RIC8B: variants seen among roughly 807,000 people sequenced by gnomAD.
RIC8B encodes the protein chaperone Ric-8B.
In RIC8B, 16 loss-of-function variants were observed where a neutral mutation model predicts 57.5. The ratio of observed to expected loss-of-function variants is 0.28; its 90% confidence interval spans 0.19 to 0.42. The LOEUF is 0.42. Ranked by LOEUF, RIC8B falls within the 10% of genes least tolerant of loss-of-function variation. The pLI, the probability that RIC8B is intolerant of heterozygous loss-of-function variation, is 1.00. For missense variants in RIC8B, 481 were observed against 677.0 expected (o/e 0.71, Z 3.21); for synonymous variants, 216 against 250.8 (o/e 0.86, Z 1.31).
At chr12:106,850,526 A>C (rs143483673) in intron 6 of RIC8B, among the ~76,000 whole-genome samples, 41 of 152,278 alleles carry the variant, frequency 2.7e-4, no homozygotes, top group African/African-American at 9.6e-4. Context: ...ACAAACTAAG[A>C]AAGTTTCATA....
intron 7 of RIC8B, among the ~76,000 whole-genome samples, chr12:106,855,214 C>A (rs1449577109): frequency 6.6e-6 from 1 of 152,186 alleles, no homozygotes; most frequent in African/African-American, 2.4e-5. Context: ...AATAAATTTA[C>A]TGTAATACCC....
chr12:106,785,785 G>GTCTCTCTCTCTC (rs370138594), intron 2 of RIC8B, among the ~76,000 whole-genome samples: 1,974 of 103,580 alleles, frequency 0.019, 25 homozygotes, highest in Middle Eastern at 0.035. Context: ...TGTATTCTAT[G>GTCTCTCTCTCTC]TCTCTCTCTC....
chr12:106,820,584 G>A (rs541539217), intron 3 of RIC8B, among the ~76,000 whole-genome samples: 61 of 152,196 alleles, frequency 4.0e-4, no homozygotes, highest in African/African-American at 1.4e-3. Flanking sequence ...CCCTTCTCCC[G>A]TGCTTCCAAG....
At chr12:106,806,483 C>A (rs1018209665) in intron 2 of RIC8B, among the ~76,000 whole-genome samples, 3 of 152,060 alleles carry the variant, frequency 2.0e-5, no homozygotes, top group Non-Finnish European at 4.4e-5. Flanking sequence ...GGCTTTTAGT[C>A]CCCCTTTTCT....
At chr12:106,853,582 C>T (rs2136478991) in intron 7 of RIC8B, among the ~76,000 whole-genome samples, 1 of 149,366 alleles carries the variant, frequency 6.7e-6, no homozygotes, top group African/African-American at 2.5e-5. Flanking sequence ...GATTCTCCTG[C>T]CTCAGCCGTC....
chr12:106,782,374 G>T (rs2043806329), intron 1 of RIC8B, among the ~76,000 whole-genome samples: 1 of 152,038 alleles, frequency 6.6e-6, no homozygotes, highest in Non-Finnish European at 1.5e-5. Flanking sequence ...CTCTTTTAAG[G>T]TTTATGTCAG....
At chr12:106,837,293 C>T (rs572679144) in intron 4 of RIC8B, among the ~76,000 whole-genome samples, 161 of 152,014 alleles carry the variant, frequency 1.1e-3, no homozygotes, top group African/African-American at 3.5e-3. Context: ...ACCCAGGAGG[C>T]GGAGGTTGCA....
At chr12:106,883,090 T>C (rs1017821796) in intron 9 of RIC8B, among the ~76,000 whole-genome samples, 2 of 152,172 alleles carry the variant, frequency 1.3e-5, no homozygotes, top group Non-Finnish European at 2.9e-5. Flanking sequence ...CATCTTTTTA[T>C]CAAAGAGATG....
chr12:106,845,409 A>G (rs971893170), intron 6 of RIC8B, among the ~76,000 whole-genome samples: 1 of 152,178 alleles, frequency 6.6e-6, no homozygotes, highest in Admixed American at 6.5e-5. Context: ...CATGAAATTA[A>G]GAAAAAACTT....
chr12:106,819,729 G>A (rs1256494992), intron 3 of RIC8B, among the ~76,000 whole-genome samples: 3 of 136,354 alleles, frequency 2.2e-5, no homozygotes, highest in South Asian at 2.3e-4. Flanking sequence ...GGGTAACAGC[G>A]TCTCAGGAAA....
chr12:106,778,755 G>T (rs1306171478), intron 1 of RIC8B, among the ~76,000 whole-genome samples: 1 of 152,108 alleles, frequency 6.6e-6, no homozygotes, highest in East Asian at 1.9e-4. Context: ...CACAGAAAAA[G>T]TTTCTTTTTC....
chr12:106,878,831 C>CT (rs1223664012), intron 9 of RIC8B, among the ~76,000 whole-genome samples: 1 of 151,904 alleles, frequency 6.6e-6, no homozygotes, highest in East Asian at 1.9e-4. Context: ...TGTTCCCCCC[C>CT]CCTTTTCTTC....
intron 2 of RIC8B, among the ~76,000 whole-genome samples, chr12:106,788,412 C>T (rs1019883069): frequency 6.6e-6 from 1 of 152,164 alleles, no homozygotes; most frequent in Non-Finnish European, 1.5e-5. Flanking sequence ...CTCTACTAGG[C>T]GGTGCCCCAG....
At chr12:106,800,057 A>T (rs567429889) in intron 2 of RIC8B, among the ~76,000 whole-genome samples, 1 of 152,122 alleles carries the variant, frequency 6.6e-6, no homozygotes, top group African/African-American at 2.4e-5. Flanking sequence ...GTATGCATTT[A>T]TACAGCAAGA....
At chr12:106,869,285 C>G (rs1229274668) in intron 8 of RIC8B, among the ~76,000 whole-genome samples, 3 of 152,044 alleles carry the variant, frequency 2.0e-5, no homozygotes, top group Non-Finnish European at 4.4e-5. Context: ...AAAAGTAAAT[C>G]TAATAGTAAT....
chr12:106,775,016 A>C, intron 1 of RIC8B, 187 bp downstream of exon 1: 2 of 566,988 alleles, frequency 3.5e-6, no homozygotes, highest in South Asian at 4.4e-5. Flanking sequence ...GCATCCCACT[A>C]CCCCCACTGT....
In RIC8B at chr12:106,815,659, C is replaced by T. The variant is rs560720274; in HGVS notation, c.741+355C>T. Among the ~76,000 whole-genome samples the T allele has an allele frequency of 2.6e-5, 4 of 152,270 alleles. No homozygotes were observed. The East Asian group carries it at 7.7e-4, about 29-fold the overall frequency. On this transcript the variant is annotated intron_variant, in intron 3 of 9. Transcript: ENST00000392837. ...ACAATGTAGTTGATAAAGCTATAGG[C>T]ATTTTCAGTGGCTGCCATCTTAAAG...
intron 9 of RIC8B, among the ~76,000 whole-genome samples, chr12:106,881,512 A>G (rs1158844799): frequency 6.6e-6 from 1 of 151,720 alleles, no homozygotes; most frequent in Non-Finnish European, 1.5e-5. Context: ...GAGTCCACCT[A>G]CTGCAAGGAG....
At chr12:106,798,157 T>G (rs2044570945) in intron 2 of RIC8B, 2 of 568,396 alleles carry the variant, frequency 3.5e-6, no homozygotes, top group East Asian at 6.4e-5. Context: ...ATCTTTTTGA[T>G]GCCTCGGATT....
Sources: allele counts gnomAD v4.1 joint callset (sites outside exome capture counted in the v4.1 genomes callset), GRCh38; gene constraint gnomAD v4.1.1; transcripts MANE v1.5; gene names NCBI Gene and HGNC (gene_info 2026-07-23, HGNC 2026-07-21).